The following FHAD1 variants were observed in gnomAD, a reference collection of about 807,000 sequenced individuals.
FHAD1 encodes the protein forkhead associated phosphopeptide binding domain 1.
FHAD1 carries 146 observed loss-of-function variants against 191.3 expected under a neutral mutation model. The observed-to-expected ratio is 0.76, with a 90% confidence interval of 0.67 to 0.88. FHAD1 has a LOEUF of 0.88. Ranked by LOEUF, FHAD1 falls within the 40% of genes least tolerant of loss-of-function variation. The probability of loss-of-function intolerance (pLI) is 0.00; values close to 1 mark genes in which losing one functional copy is unlikely to be tolerated. For synonymous variants in FHAD1, 616 were observed against 672.3 expected (o/e 0.92, Z 1.29); for missense variants, 1,635 against 1,785.8 (o/e 0.92, Z 1.52).
chr1:15,341,852 C>T lies in FHAD1; in HGVS notation c.2094C>T (p.Leu698=), dbSNP rs549237275. ...NEERLEQEEK[L]KAKIRQLTEE... ...AGAGGCTAGAGCAAGAGGAGAAGCT[C>T]AAAGCCAAAATCAGGCAACTGACGG... The change falls in exon 16 of 34, where the codon CTC becomes CTT. Residue 698 remains leucine (L), a synonymous_variant. Transcript: ENST00000688493. 1.3e-6 allele frequency: 2 copies of T among 1,551,648 alleles called. No individual in the cohort carries two copies. Among genetic ancestry groups the T allele is most frequent in the Non-Finnish European group, 1.7e-6 (2 of 1,146,938 alleles).
At chr1:15,310,310 T>C (rs1671865125) in intron 7 of FHAD1, among the ~76,000 whole-genome samples, 1 of 152,078 alleles carries the variant, frequency 6.6e-6, no homozygotes, top group African/African-American at 2.4e-5. Flanking sequence ...CACTCTGCAG[T>C]CCCCCTCCCC....
At chr1:15,275,144 A>G (rs1449246686) in intron 3 of FHAD1, among the ~76,000 whole-genome samples, 2 of 151,950 alleles carry the variant, frequency 1.3e-5, no homozygotes, top group Non-Finnish European at 2.9e-5. Context: ...TTGTATTTTT[A>G]GTAGAGATGG....
intron 33 of FHAD1, among the ~76,000 whole-genome samples, chr1:15,392,900 C>T (rs1446562165): frequency 6.6e-6 from 1 of 152,080 alleles, no homozygotes; most frequent in Admixed American, 6.6e-5. Context: ...AGGCCACCTA[C>T]CGTGCTAAGC....
At chr1:15,362,293 G>C (rs1291261506) in intron 22 of FHAD1, among the ~76,000 whole-genome samples, 1 of 152,246 alleles carries the variant, frequency 6.6e-6, no homozygotes, top group Non-Finnish European at 1.5e-5. Flanking sequence ...GCTAAACACA[G>C]ATTCTTCTTC....
chr1:15,242,363 A>G (rs1327803010), upstream of FHAD1, among the ~76,000 whole-genome samples: 10 of 152,122 alleles, frequency 6.6e-5, no homozygotes, highest in South Asian at 2.1e-4. Flanking sequence ...CTGTGCCTCA[A>G]TTTCTCTTTC....
chr1:15,384,935 A>G (rs1459464127), intron 31 of FHAD1, among the ~76,000 whole-genome samples: 3 of 151,686 alleles, frequency 2.0e-5, no homozygotes, highest in African/African-American at 4.9e-5. Context: ...AGCTACAGAA[A>G]CGGGACCTCA....
At chr1:15,349,914 G>A (rs757813123) in intron 19 of FHAD1, among the ~76,000 whole-genome samples, 7 of 152,148 alleles carry the variant, frequency 4.6e-5, no homozygotes, top group Non-Finnish European at 7.4e-5. Flanking sequence ...CAGGCCCTCA[G>A]GTCAGCCTGG....
rs983706131 is a variant in FHAD1 at position 15,344,951 on chromosome 1, TAGGCTCTGCTGCCCAC to T, written c.2131-129_2131-114del. The T allele has an allele frequency of 7.3e-6, 5 of 685,346 alleles. No individual in the cohort carries two copies. The African/African-American group carries it at 9.0e-5, about 12-fold the overall frequency. 42.5% of individuals were successfully genotyped at this position (685,346 alleles called of 1,614,324 possible). A position where few individuals can be genotyped will look rare whatever the true frequency, so the allele number is the denominator to read the frequency against. On this transcript the variant is annotated intron_variant, in intron 16 of 33. Transcript: ENST00000688493. ...CTCCAGAGCACATGCTCTGAGCTCC[TAGGCTCTGCTGCCCAC>T]AGCCTCCCCAGGGGAGTGCGGTGAG...
At chr1:15,244,760 AG>A (rs1645799739), upstream of FHAD1, among the ~76,000 whole-genome samples, 1 of 151,186 alleles carries the variant, frequency 6.6e-6, no homozygotes. The surrounding 1 kb of genome is among the most constrained non-coding windows in gnomAD (Gnocchi z 5.1). Context: ...ACCAGGGGTC[AG>A]GGAGGGAGAC....
In FHAD1 at chr1:15,374,642, T is replaced by C; in HGVS notation, c.3577+11T>C. 1 of 1,550,810 alleles carries C rather than the reference T, an allele frequency of 6.4e-7. No individual in the cohort carries two copies. Among genetic ancestry groups the C allele is most frequent in the South Asian group, 1.2e-5 (1 of 84,002 alleles). ...AGGCGCGCTCACCAGGTAAGTCTCC[T>C]CCTTCCTAGTCAGAGCAGTGGACCC... On this transcript the variant is annotated intron_variant, in intron 27 of 33. Transcript: ENST00000688493.
chr1:15,360,570 G>C lies in FHAD1; in HGVS notation c.2829G>C (p.Glu943Asp), dbSNP rs776643890. ...CACAGAGACACGGGTTTGAAGAAGA[G>C]ATCATGGAATATAAGGAGCAAATCA... ...QESQRHGFEE[E>D]IMEYKEQIKQ... Residue 943 changes from glutamate to aspartate, a missense_variant, in exon 22 of 34, where the codon GAG (glutamate) becomes GAC (aspartate). By Grantham distance (45) the Glu-to-Asp change is conservative. Coordinates refer to ENST00000688493, the MANE Select transcript of FHAD1 (RefSeq NM_001391957.1). 2 of 1,552,106 alleles carry C rather than the reference G, an allele frequency of 1.3e-6. No homozygotes were observed. Among genetic ancestry groups the C allele is most frequent in the East Asian group, 4.9e-5 (2 of 40,910 alleles).
intron 17 of FHAD1, 41 bp downstream of exon 17, chr1:15,345,231 G>A (rs1390238667): frequency 2.0e-6 from 3 of 1,504,954 alleles, no homozygotes; most frequent in South Asian, 2.4e-5. Context: ...GAGCCCCACT[G>A]CAGCTAGGAA....
intron 33 of FHAD1, among the ~76,000 whole-genome samples, chr1:15,395,149 A>C (rs1336675498): frequency 1.3e-5 from 2 of 151,902 alleles, no homozygotes; most frequent in Non-Finnish European, 2.9e-5. Flanking sequence ...CCATCTCTAC[A>C]AAAAATACAA....
intron 20 of FHAD1, among the ~76,000 whole-genome samples, chr1:15,356,140 C>T (rs754141360): frequency 1.3e-5 from 2 of 152,140 alleles, no homozygotes; most frequent in Non-Finnish European, 2.9e-5. Flanking sequence ...GCTTCGGATG[C>T]TATTTTTGAT....
At chr1:15,344,775 C>T (rs1287229833) in intron 16 of FHAD1, among the ~76,000 whole-genome samples, 3 of 152,214 alleles carry the variant, frequency 2.0e-5, no homozygotes, top group South Asian at 2.1e-4. Context: ...TCGTGTTCAT[C>T]GTCGCATCCA....
chr1:15,277,566 T>C (rs921360927), intron 3 of FHAD1, among the ~76,000 whole-genome samples: 7 of 152,080 alleles, frequency 4.6e-5, no homozygotes, highest in South Asian at 2.1e-4. Context: ...GTCTCCTGAG[T>C]CCCGGTCTGG....
At chr1:15,280,198 C>G (rs915705330) in intron 3 of FHAD1, among the ~76,000 whole-genome samples, 3 of 152,080 alleles carry the variant, frequency 2.0e-5, no homozygotes, top group Non-Finnish European at 4.4e-5. Flanking sequence ...GGCCGAGTAA[C>G]TGGGGATTGA....
chr1:15,357,296 A>C (rs1036001982), intron 20 of FHAD1, among the ~76,000 whole-genome samples: 1 of 152,224 alleles, frequency 6.6e-6, no homozygotes, highest in Non-Finnish European at 1.5e-5. Flanking sequence ...ACATTATTGC[A>C]GGAGGGACTC....
chr1:15,383,480 G>A (rs939181199), intron 31 of FHAD1: 7 of 344,154 alleles, frequency 2.0e-5, no homozygotes, highest in Admixed American at 1.1e-4. Flanking sequence ...AGCAGCACCC[G>A]GGCGGCTTCC....
Sources: gnomAD v4.1 joint callset for allele counts (sites outside exome capture counted in the v4.1 genomes callset) on GRCh38, gnomAD v4.1.1 for gene constraint, Gnocchi (gnomAD v3.1) non-coding constraint, MANE v1.5 for transcripts, NCBI Gene and HGNC (gene_info 2026-07-23, HGNC 2026-07-21) for gene names.